The following CDC42EP3 variants were observed in gnomAD, a reference collection of about 807,000 sequenced individuals.
CDC42EP3 encodes CDC42 effector protein (Rho GTPase binding) 3.
In CDC42EP3, 4 loss-of-function variants were observed where a neutral mutation model predicts 15.5. The ratio of observed to expected loss-of-function variants is 0.26; its 90% confidence interval spans 0.13 to 0.59. CDC42EP3 has a LOEUF of 0.59. CDC42EP3 is among the 20% of genes least tolerant of loss of function. The pLI is 0.89. For synonymous variants in CDC42EP3, 145 were observed against 130.3 expected, an observed-to-expected ratio of 1.11 and a Z score of -0.77; for missense variants, 309 against 311.2, an observed-to-expected ratio of 0.99 and a Z score of 0.05.
intron 1 of CDC42EP3, among the ~76,000 whole-genome samples, chr2:37,648,101 G>A (rs1452492087): frequency 6.6e-6 from 1 of 152,194 alleles, no homozygotes; most frequent in Non-Finnish European, 1.5e-5. Flanking sequence ...ATAAGATTAG[G>A]AGGGATGAGC....
chr2:37,646,632 ACTTT>A lies in CDC42EP3; in HGVS notation c.-49_-46del, dbSNP rs1323126016. ...TATTTTGCAAGCGGGAGAAAGGGCC[ACTTT>A]CTTCACAGATGGTATATGTTTCTGA... is the stretch of plus-strand genomic sequence containing the variant. On this transcript the variant is annotated 5_prime_UTR_variant, in exon 2 of 2. Coordinates refer to ENST00000295324, the MANE Select transcript of CDC42EP3 (RefSeq NM_006449.5). 4.1e-6 allele frequency: 6 copies of A among 1,464,540 alleles called. No homozygotes were observed. Among genetic ancestry groups the A allele is most frequent in the African/African-American group, 1.4e-5 (1 of 70,580 alleles). 90.7% of individuals were successfully genotyped at this position (1,464,540 alleles called of 1,614,324 possible).
At position 37,646,753 on chromosome 2, in the gene CDC42EP3, G is replaced by A. The variant is rs77429604; in HGVS notation, c.-166C>T. On this transcript the variant is annotated 5_prime_UTR_variant, in exon 2 of 2. Coordinates refer to ENST00000295324, the MANE Select transcript of CDC42EP3 (RefSeq NM_006449.5). ...ATGGGGTCAAAGAGAACCTTCCTGA[G>A]GTTACGGCCAAGTGAGGCTTCCTAG... The A allele has an allele frequency of 2.6e-3, 1,715 of 669,922 alleles. 3 individuals carry two copies. The highest frequency in any genetic ancestry group is 3.7e-3 in the Non-Finnish European group (1,477 of 394,318). 41.5% of individuals were successfully genotyped at this position (669,922 alleles called of 1,614,324 possible).
At chr2:37,665,763 T>C (rs574946556) in intron 1 of CDC42EP3, among the ~76,000 whole-genome samples, 1 of 151,416 alleles carries the variant, frequency 6.6e-6, no homozygotes, top group East Asian at 2.0e-4. Context: ...TTGCTCAGGC[T>C]GCTCTGCCAG....
At chr2:37,649,907 AC>A (rs2124614539) in intron 1 of CDC42EP3, among the ~76,000 whole-genome samples, 2 of 152,274 alleles carry the variant, frequency 1.3e-5, no homozygotes, top group South Asian at 4.1e-4. Flanking sequence ...TGGAGAAGAT[AC>A]CTTCAGAGGC....
intron 1 of CDC42EP3, among the ~76,000 whole-genome samples, chr2:37,665,563 T>C (rs1361658990): frequency 6.6e-6 from 1 of 152,224 alleles, no homozygotes; most frequent in Admixed American, 6.5e-5. Context: ...AAAAAATGTA[T>C]GTAGCCTAAA....
rs1665446768 is a variant in CDC42EP3 at position 37,646,061 on chromosome 2, C to G, written c.527G>C (p.Gly176Ala). ...GCCTTGGCTGGACTGAGATGCAGAACCGCTGGAGCCCCACGAGGTGTCTCC... is the reference window on the plus strand; with the variant it reads ...GCCTTGGCTGGACTGAGATGCAGAAGCGCTGGAGCCCCACGAGGTGTCTCC... ...HQGDTSWGSS[G>A]SASQSSQGRD... is the part of the protein sequence containing the mutation. Residue 176 changes from glycine (G) to alanine (A), a missense_variant, in exon 2 of 2, where the codon GGT (glycine) becomes GCT (alanine). Gly to Ala is a moderately conservative substitution (Grantham distance 60). Coordinates refer to ENST00000295324, the MANE Select transcript of CDC42EP3 (RefSeq NM_006449.5). 2 of 1,614,002 alleles carry G rather than the reference C, an allele frequency of 1.2e-6. No individual in the cohort carries two copies. The highest frequency in any genetic ancestry group is 1.7e-6 in the Non-Finnish European group (2 of 1,180,016).
upstream of CDC42EP3, chr2:37,671,767 A>G (rs17551367): frequency 0.22 from 32,966 of 150,148 alleles, 4,110 homozygotes; most frequent in South Asian, 0.32. Flanking sequence ...CGACCCTCCC[A>G]GCCGCGGTAC....
At chr2:37,655,126 C>T (rs1665808164) in intron 1 of CDC42EP3, among the ~76,000 whole-genome samples, 1 of 152,212 alleles carries the variant, frequency 6.6e-6, no homozygotes, top group Non-Finnish European at 1.5e-5. Context: ...GAGGACATAG[C>T]TCTAAGCTTC....
chr2:37,657,401 G>A (rs1432433757), intron 1 of CDC42EP3, among the ~76,000 whole-genome samples: 2 of 152,154 alleles, frequency 1.3e-5, no homozygotes, highest in East Asian at 3.8e-4. Flanking sequence ...CTGTTTTGTG[G>A]TTTTAATGCC....
chr2:37,644,564 T>TGTTCA lies in CDC42EP3; in HGVS notation c.*1254_*1258dup, dbSNP rs1030180674. 11 of 150,784 alleles carry TGTTCA rather than the reference T, an allele frequency of 7.3e-5. No homozygotes were observed. Among genetic ancestry groups the TGTTCA allele is most frequent in the African/African-American group, 1.2e-4 (5 of 40,854 alleles). The allele number at this position is 150,784 out of a possible 1,614,324, so 9.3% of individuals were successfully genotyped here. A position where few individuals can be genotyped will look rare whatever the true frequency, so the allele number is the denominator to read the frequency against. The stretch of plus-strand genomic sequence containing the variant: ...ACTTGCAAGAGTTTGCTGTAGAAGG[T>TGTTCA]GTTCAAGTCAGGAAGATGCTCAGAA... On this transcript the variant is annotated 3_prime_UTR_variant, in exon 2 of 2. Transcript: ENST00000295324.
chr2:37,669,729 C>G (rs1293328965), intron 1 of CDC42EP3, among the ~76,000 whole-genome samples: 2 of 152,194 alleles, frequency 1.3e-5, no homozygotes, highest in Admixed American at 1.3e-4. Context: ...AATTTCTCCT[C>G]TAAAGTTCTT....
At chr2:37,662,614 T>C (rs891923204) in intron 1 of CDC42EP3, among the ~76,000 whole-genome samples, 4 of 152,194 alleles carry the variant, frequency 2.6e-5, no homozygotes, top group African/African-American at 7.2e-5. Flanking sequence ...GACCTCTCTC[T>C]GAACCTCACT....
At chr2:37,650,681 A>G (rs1476345729) in intron 1 of CDC42EP3, among the ~76,000 whole-genome samples, 1 of 152,210 alleles carries the variant, frequency 6.6e-6, no homozygotes, top group Non-Finnish European at 1.5e-5. Flanking sequence ...TCTTGACATG[A>G]TATTTAATGA....
upstream of CDC42EP3, among the ~76,000 whole-genome samples, chr2:37,672,901 G>T (rs773466501): frequency 3.3e-5 from 5 of 152,234 alleles, no homozygotes; most frequent in Non-Finnish European, 5.9e-5. Flanking sequence ...ACCTTAGAGG[G>T]TGCGCCTTAA....
chr2:37,666,114 C>G (rs1666239783), intron 1 of CDC42EP3, among the ~76,000 whole-genome samples: 1 of 152,192 alleles, frequency 6.6e-6, no homozygotes. Flanking sequence ...TCCTGTAACG[C>G]CTGTGGTTCT....
chr2:37,667,244 C>G (rs1009330995), intron 1 of CDC42EP3, among the ~76,000 whole-genome samples: 1 of 152,140 alleles, frequency 6.6e-6, no homozygotes, highest in African/African-American at 2.4e-5. Context: ...CAGCCCAGTG[C>G]CTTTCTGTTC....
At chr2:37,659,672 G>C (rs1665993531) in intron 1 of CDC42EP3, among the ~76,000 whole-genome samples, 1 of 152,188 alleles carries the variant, frequency 6.6e-6, no homozygotes, top group African/African-American at 2.4e-5. Context: ...AGGCCCTGGA[G>C]AAACAATGAA....
intron 1 of CDC42EP3, among the ~76,000 whole-genome samples, chr2:37,663,051 G>A (rs552197691): frequency 5.9e-5 from 9 of 152,358 alleles, no homozygotes; most frequent in African/African-American, 2.2e-4. Flanking sequence ...TGTAATCCCA[G>A]CTACTCATGA....
intron 1 of CDC42EP3, among the ~76,000 whole-genome samples, chr2:37,668,183 T>G (rs1342946042): frequency 6.6e-6 from 1 of 152,190 alleles, no homozygotes; most frequent in East Asian, 1.9e-4. Flanking sequence ...TCACCTATTT[T>G]CAGACCATGG....
Sources: allele counts gnomAD v4.1 joint callset (sites outside exome capture counted in the v4.1 genomes callset), GRCh38; gene constraint gnomAD v4.1.1; transcripts MANE v1.5; gene names NCBI Gene and HGNC (gene_info 2026-07-23, HGNC 2026-07-21).